RGS5: variants seen among roughly 807,000 people sequenced by gnomAD.
RGS5 encodes regulator of G protein signaling 5, also known as regulator of G-protein signalling 5.
In RGS5, 20 loss-of-function variants were observed where a neutral mutation model predicts 18.9. That is an observed-to-expected ratio of 1.06 (90% confidence interval 0.74 to 1.54). RGS5 has a LOEUF of 1.54. RGS5 is among the 40% of genes most tolerant of loss of function. The probability of loss-of-function intolerance (pLI) is 0.00; values close to 1 mark genes in which losing one functional copy is unlikely to be tolerated. For missense variants in RGS5, 201 were observed against 211.8 expected (o/e 0.95, Z 0.32); for synonymous variants, 57 against 76.2 (o/e 0.75, Z 1.31).
chr1:163,232,931 AAAT>A (rs1312977731), intron 2 of RGS5, among the ~76,000 whole-genome samples: 1 of 152,208 alleles, frequency 6.6e-6, no homozygotes, highest in Non-Finnish European at 1.5e-5. Context: ...AACATCGATA[AAAT>A]AATACTATTT....
intron 1 of RGS5, among the ~76,000 whole-genome samples, chr1:163,196,051 T>C (rs1478264812): frequency 6.6e-6 from 1 of 152,152 alleles, no homozygotes; most frequent in East Asian, 1.9e-4. Context: ...CCTTCCTTAC[T>C]GTGAACATTT....
At chr1:163,216,308 C>T (rs1660216789) in intron 1 of RGS5, among the ~76,000 whole-genome samples, 3 of 152,072 alleles carry the variant, frequency 2.0e-5, no homozygotes, top group African/African-American at 7.2e-5. Context: ...CATGAGGCAC[C>T]ATTTGAGCTT....
intron 2 of RGS5, among the ~76,000 whole-genome samples, chr1:163,275,790 A>C (rs1648836800): frequency 2.6e-5 from 4 of 152,118 alleles, no homozygotes; most frequent in Non-Finnish European, 5.9e-5. Flanking sequence ...CTCAGGATAT[A>C]TAATAAGTAA....
intron 2 of RGS5, among the ~76,000 whole-genome samples, chr1:163,250,369 C>A (rs1362697184): frequency 6.6e-6 from 1 of 152,234 alleles, no homozygotes; most frequent in Non-Finnish European, 1.5e-5. Flanking sequence ...ATCAATATAT[C>A]TTGAACCCAA....
At chr1:163,179,779 C>G (rs887235128) in intron 1 of RGS5, among the ~76,000 whole-genome samples, 2 of 152,174 alleles carry the variant, frequency 1.3e-5, no homozygotes, top group Non-Finnish European at 2.9e-5. Flanking sequence ...TCAAGAGGAT[C>G]ACATTCAATA....
intron 3 of RGS5, 85 bp downstream of exon 3, chr1:163,161,827 GGAA>G: frequency 1.0e-6 from 1 of 982,494 alleles, no homozygotes; most frequent in Non-Finnish European, 1.6e-6. Flanking sequence ...TCAACATTGG[GGAA>G]GAAGAACACA....
intron 1 of RGS5, among the ~76,000 whole-genome samples, chr1:163,186,753 G>A (rs1190836697): frequency 1.3e-5 from 2 of 152,050 alleles, no homozygotes; most frequent in East Asian, 1.9e-4. Context: ...CCTTAGACAA[G>A]TCCCCAAAAC....
intron 2 of RGS5, chr1:163,237,635 A>T (rs1647665380): frequency 6.6e-6 from 1 of 152,290 alleles, no homozygotes; most frequent in Non-Finnish European, 1.5e-5. Flanking sequence ...CAGTGAGCTG[A>T]GATAGCACCA....
intron 3 of RGS5, among the ~76,000 whole-genome samples, chr1:163,156,317 C>T (rs77035509): frequency 0.21 from 31,440 of 151,832 alleles, 5,343 homozygotes; most frequent in African/African-American, 0.47. Flanking sequence ...TACATGGTAC[C>T]TGACATAATT....
chr1:163,228,400 G>T (rs1307883550), intron 2 of RGS5, among the ~76,000 whole-genome samples: 1 of 152,240 alleles, frequency 6.6e-6, no homozygotes, highest in Non-Finnish European at 1.5e-5. Context: ...AATGGACTGA[G>T]CTGTACTCTG....
intron 2 of RGS5, among the ~76,000 whole-genome samples, chr1:163,274,303 A>G (rs942534767): frequency 2.0e-5 from 3 of 152,168 alleles, no homozygotes; most frequent in Non-Finnish European, 1.5e-5. Flanking sequence ...CTGGGAAAAG[A>G]GAAGGGAGCT....
chr1:163,201,663 A>G (rs1659775383), intron 1 of RGS5, among the ~76,000 whole-genome samples: 1 of 152,162 alleles, frequency 6.6e-6, no homozygotes, highest in Non-Finnish European at 1.5e-5. Flanking sequence ...TATTGTTGGG[A>G]GAAAAAATTA....
intron 2 of RGS5, among the ~76,000 whole-genome samples, chr1:163,273,680 C>T (rs1179838783): frequency 6.6e-6 from 1 of 152,132 alleles, no homozygotes; most frequent in Non-Finnish European, 1.5e-5. Context: ...CACTCAGAGA[C>T]AGTTTATATG....
At chr1:163,202,745 G>C in intron 1 of RGS5, 47 bp downstream of exon 1, 1 of 1,582,872 alleles carries the variant, frequency 6.3e-7, no homozygotes, top group Non-Finnish European at 8.7e-7. Flanking sequence ...CTTGAGTAAA[G>C]ATTCTCCATA....
intron 3 of RGS5, among the ~76,000 whole-genome samples, chr1:163,154,663 A>C (rs1054479830): frequency 2.0e-5 from 3 of 151,996 alleles, no homozygotes; most frequent in African/African-American, 7.2e-5. Flanking sequence ...GGATAAAATC[A>C]GGTGTATTTT....
chr1:163,180,323 C>A (rs1381242084), intron 1 of RGS5, among the ~76,000 whole-genome samples: 1 of 152,090 alleles, frequency 6.6e-6, no homozygotes, highest in African/African-American at 2.4e-5. Flanking sequence ...CCTATATTTA[C>A]CACCCTTCTC....
At chr1:163,225,170 G>A (rs1277626179) in intron 2 of RGS5, among the ~76,000 whole-genome samples, 1 of 152,048 alleles carries the variant, frequency 6.6e-6, no homozygotes, top group Non-Finnish European at 1.5e-5. Context: ...CATTGGGGTG[G>A]GTTTTGAGTA....
intron 1 of RGS5, among the ~76,000 whole-genome samples, chr1:163,173,558 C>T (rs1658401209): frequency 6.6e-6 from 1 of 152,116 alleles, no homozygotes; most frequent in Non-Finnish European, 1.5e-5. Context: ...CACAAGCAAT[C>T]ACTAAAAACA....
chr1:163,222,626 G>A (rs1647251943), upstream of RGS5, among the ~76,000 whole-genome samples: 1 of 152,134 alleles, frequency 6.6e-6, no homozygotes, highest in South Asian at 2.1e-4. Context: ...GGAAAGCTTA[G>A]AAGAATCTTT....
Sources: gnomAD v4.1 joint callset for allele counts (sites outside exome capture counted in the v4.1 genomes callset) on GRCh38, gnomAD v4.1.1 for gene constraint, MANE v1.5 for transcripts, NCBI Gene and HGNC (gene_info 2026-07-23, HGNC 2026-07-21) for gene names.